The following CNOT6 variants were observed in gnomAD, a reference collection of about 807,000 sequenced individuals.
The protein encoded by CNOT6 is carbon catabolite repression 4 protein.
A neutral mutation model predicts 61.2 loss-of-function variants in CNOT6; 12 were observed. That is an observed-to-expected ratio of 0.20 (90% CI 0.13 to 0.32). CNOT6 has a LOEUF of 0.32. Ranked by LOEUF, CNOT6 falls within the 10% of genes least tolerant of loss-of-function variation. CNOT6 has a pLI of 1.00. For missense variants in CNOT6, 405 were observed against 663.9 expected, an observed-to-expected ratio of 0.61 and a Z score of 4.28; for synonymous variants, 225 against 240.6, an observed-to-expected ratio of 0.94 and a Z score of 0.60.
At position 180,571,244 on chromosome 5, in the gene CNOT6, T is replaced by A; in HGVS notation, c.1273T>A (p.Leu425Met). 1 of 1,613,574 alleles carries A rather than the reference T, an allele frequency of 6.2e-7. No homozygotes were observed. The highest frequency in any genetic ancestry group is 1.1e-5 in the South Asian group (1 of 91,038). The change falls in exon 11 of 12, where the codon TTG becomes ATG. Residue 425 changes from leucine (L) to methionine (M), a missense_variant. Leu to Met is a conservative substitution (Grantham distance 15). Transcript: ENST00000261951. Reference sequence around the variant, plus strand: ...CTTCATTGTAGGTGTTGTAGAATATTTGAGCACAGGTGGAGTAGAAACAAA... The same window carrying A: ...CTTCATTGTAGGTGTTGTAGAATATATGAGCACAGGTGGAGTAGAAACAAA... ...SLPDSGVVEY[L>M]STGGVETNHK...
chr5:180,545,717 A>T (rs1280190981), intron 2 of CNOT6, among the ~76,000 whole-genome samples: 1 of 152,234 alleles, frequency 6.6e-6, no homozygotes, highest in Admixed American at 6.5e-5. Context: ...TATTTCCTAA[A>T]AAATGGAATT....
chr5:180,551,058 T>A (rs896658348), intron 3 of CNOT6, among the ~76,000 whole-genome samples: 3 of 152,058 alleles, frequency 2.0e-5, no homozygotes, highest in Non-Finnish European at 2.9e-5. Context: ...AAATGGTAAT[T>A]GCAGACTGCA....
At chr5:180,557,050 G>T (rs148608365) in intron 4 of CNOT6, among the ~76,000 whole-genome samples, 1 of 151,926 alleles carries the variant, frequency 6.6e-6, no homozygotes, top group East Asian at 1.9e-4. Context: ...TTGGATATTT[G>T]TCCTGGTTGC....
At chr5:180,551,438 A>C (rs965570578) in intron 3 of CNOT6, among the ~76,000 whole-genome samples, 1 of 152,118 alleles carries the variant, frequency 6.6e-6, no homozygotes, top group African/African-American at 2.4e-5. Flanking sequence ...GGGTCTCACT[A>C]TGTTGCCCAG....
intron 1 of CNOT6, among the ~76,000 whole-genome samples, chr5:180,512,042 T>G (rs1757422638): frequency 6.6e-6 from 1 of 152,250 alleles, no homozygotes; most frequent in South Asian, 2.1e-4. Flanking sequence ...TCTTGTAATG[T>G]GTGAAAATTA....
chr5:180,522,929 A>G (rs985093542), intron 1 of CNOT6, among the ~76,000 whole-genome samples: 1 of 152,214 alleles, frequency 6.6e-6, no homozygotes, highest in African/African-American at 2.4e-5. Flanking sequence ...AGCCGTTCTA[A>G]CAAATTAATC....
At chr5:180,520,855 T>G (rs1215679464) in intron 1 of CNOT6, among the ~76,000 whole-genome samples, 1 of 151,578 alleles carries the variant, frequency 6.6e-6, no homozygotes, top group Non-Finnish European at 1.5e-5. Flanking sequence ...ATTATTTTTT[T>G]TTTTTTGGAG....
At chr5:180,521,869 T>A (rs1179295826) in intron 1 of CNOT6, among the ~76,000 whole-genome samples, 2 of 152,238 alleles carry the variant, frequency 1.3e-5, no homozygotes, top group African/African-American at 4.8e-5. Flanking sequence ...GGATATTATT[T>A]CATTCTTTTC....
intron 1 of CNOT6, among the ~76,000 whole-genome samples, chr5:180,522,060 T>C (rs752562364): frequency 3.9e-5 from 6 of 152,190 alleles, no homozygotes; most frequent in Non-Finnish European, 5.9e-5. Flanking sequence ...GAACCAGTAA[T>C]GGAATTGCTG....
At chr5:180,551,843 T>A (rs1319621924) in intron 3 of CNOT6, among the ~76,000 whole-genome samples, 2 of 151,990 alleles carry the variant, frequency 1.3e-5, no homozygotes, top group Non-Finnish European at 2.9e-5. Context: ...CTGAAACAAA[T>A]TTACTTGAAG....
rs1244004511 is a variant in CNOT6, at chr5:180,577,675, T to C, written c.*3475T>C. ...AGTCTTTATTCACAGTACATTATATTGTGTGATGCACTGGACTAACTCTTG... is the reference window on the plus strand; with the variant it reads ...AGTCTTTATTCACAGTACATTATATCGTGTGATGCACTGGACTAACTCTTG... On this transcript the variant is annotated 3_prime_UTR_variant, in exon 12 of 12. Coordinates refer to ENST00000261951, the MANE Select transcript of CNOT6 (RefSeq NM_001370472.1). The C allele has an allele frequency of 6.5e-6, 1 of 152,676 alleles. No individual in the cohort carries two copies. Among genetic ancestry groups the C allele is most frequent in the African/African-American group, 2.4e-5 (1 of 41,452 alleles). 9.5% of individuals were successfully genotyped at this position (152,676 alleles called of 1,614,324 possible).
intron 1 of CNOT6, among the ~76,000 whole-genome samples, chr5:180,514,607 G>A (rs1241984827): frequency 6.6e-6 from 1 of 152,198 alleles, no homozygotes; most frequent in Non-Finnish European, 1.5e-5. Context: ...TAGAGTGGTG[G>A]TAGCAAAAAT....
At chr5:180,514,918 A>G (rs995025585) in intron 1 of CNOT6, among the ~76,000 whole-genome samples, 2 of 152,178 alleles carry the variant, frequency 1.3e-5, no homozygotes, top group African/African-American at 4.8e-5. Context: ...GGCATTACAC[A>G]AGACATTGGG....
At chr5:180,541,142 ATT>A (rs869042995) in intron 2 of CNOT6, among the ~76,000 whole-genome samples, 1 of 145,898 alleles carries the variant, frequency 6.9e-6, no homozygotes, top group Non-Finnish European at 1.5e-5. Context: ...TAAATTAAGA[ATT>A]TTTTTTTTTT....
At chr5:180,509,405 A>T (rs575043633) in intron 1 of CNOT6, among the ~76,000 whole-genome samples, 1 of 151,826 alleles carries the variant, frequency 6.6e-6, no homozygotes, top group Non-Finnish European at 1.5e-5. Flanking sequence ...CTGGGATTAC[A>T]GTTGTGAGCC....
intron 11 of CNOT6, 110 bp from the exon 12 acceptor site, chr5:180,573,878 C>T: frequency 1.4e-6 from 1 of 740,198 alleles, no homozygotes; most frequent in Non-Finnish European, 2.3e-6. Flanking sequence ...TAGTAAGTTT[C>T]ACTTGTTCTG....
At position 180,553,392 on chromosome 5, in the gene CNOT6, C is replaced by G; in HGVS notation, c.306C>G (p.Leu102=). The change falls in exon 4 of 12, where the codon CTC becomes CTG. Residue 102 remains leucine (L), a synonymous_variant. Coordinates refer to ENST00000261951, the MANE Select transcript of CNOT6 (RefSeq NM_001370472.1). ...ELGNMVSLRE[L]HLNNNLLRVL... is the part of the protein sequence containing the mutation. Reference sequence around the variant, plus strand: ...GGAATTTTTACATCAACAGGGAGCTCCATTTAAATAACAACCTGTTACGAG... The same window carrying G: ...GGAATTTTTACATCAACAGGGAGCTGCATTTAAATAACAACCTGTTACGAG... 6.2e-7 allele frequency: 1 copy of G among 1,612,726 alleles called. No individual in the cohort carries two copies. The highest frequency in any genetic ancestry group is 2.2e-5 in the East Asian group (1 of 44,844).
intron 1 of CNOT6, among the ~76,000 whole-genome samples, chr5:180,527,403 T>C (rs1475674566): frequency 6.6e-6 from 1 of 152,220 alleles, no homozygotes; most frequent in Non-Finnish European, 1.5e-5. Context: ...CGTCTGGATG[T>C]CTGTATTCTT....
At chr5:180,543,576 A>C (rs1319856732) in intron 2 of CNOT6, among the ~76,000 whole-genome samples, 1 of 152,206 alleles carries the variant, frequency 6.6e-6, no homozygotes, top group Non-Finnish European at 1.5e-5. Context: ...ATGTCTTAGC[A>C]TACCTGAACA....
Sources: allele counts gnomAD v4.1 joint callset (sites outside exome capture counted in the v4.1 genomes callset), GRCh38; gene constraint gnomAD v4.1.1; transcripts MANE v1.5; gene names NCBI Gene and HGNC (gene_info 2026-07-23, HGNC 2026-07-21).